JAZF1: variants seen among roughly 807,000 people sequenced by gnomAD.
JAZF1 encodes the protein juxtaposed with another zinc finger protein 1.
A neutral mutation model predicts 26.4 loss-of-function variants in JAZF1; 8 were observed. That is an observed-to-expected ratio of 0.30 (90% CI 0.18 to 0.55). The LOEUF is 0.55. Among genes scored for constraint, JAZF1 ranks in the 20% least tolerant of loss-of-function variants. JAZF1 has a pLI of 0.94. For missense variants in JAZF1, 199 were observed against 322.0 expected, an observed-to-expected ratio of 0.62 and a Z score of 2.92; for synonymous variants, 126 against 122.3, an observed-to-expected ratio of 1.03 and a Z score of -0.20.
intron 2 of JAZF1, among the ~76,000 whole-genome samples, chr7:27,941,007 C>T (rs1348302679): frequency 2.0e-5 from 3 of 152,076 alleles, no homozygotes; most frequent in African/African-American, 4.8e-5. Flanking sequence ...ACTTGAAGTG[C>T]CATAAACTGC....
At chr7:27,923,438 C>T (rs905221677) in intron 2 of JAZF1, among the ~76,000 whole-genome samples, 4 of 152,256 alleles carry the variant, frequency 2.6e-5, no homozygotes, top group Non-Finnish European at 5.9e-5. Context: ...TCTATCCCAA[C>T]TTTGCAGAGT....
At chr7:28,030,660 C>A (rs775805693) in intron 1 of JAZF1, among the ~76,000 whole-genome samples, 2 of 152,184 alleles carry the variant, frequency 1.3e-5, no homozygotes, top group South Asian at 2.1e-4. Flanking sequence ...TTACTATGAA[C>A]AATTATACTA....
intron 3 of JAZF1, among the ~76,000 whole-genome samples, chr7:27,867,598 C>CGTTA (rs1377896902): frequency 6.6e-6 from 1 of 152,200 alleles, no homozygotes; most frequent in Non-Finnish European, 1.5e-5. Flanking sequence ...GGCCTCATAA[C>CGTTA]CATCAGGGCT....
At chr7:28,177,233 G>A (rs988191175) in intron 1 of JAZF1, among the ~76,000 whole-genome samples, 1 of 152,046 alleles carries the variant, frequency 6.6e-6, no homozygotes, top group African/African-American at 2.4e-5. Context: ...CAGGAACACC[G>A]GTACAGCACT....
intron 3 of JAZF1, among the ~76,000 whole-genome samples, chr7:27,849,606 T>C (rs1783100023): frequency 6.6e-6 from 1 of 151,960 alleles, no homozygotes; most frequent in Non-Finnish European, 1.5e-5. Context: ...AGCATTTCAG[T>C]TGGGGAAATG....
In JAZF1 at chr7:28,160,566, T is replaced by C. The variant is rs370259028; in HGVS notation, c.115+19897A>G. Among the ~76,000 whole-genome samples the C allele has an allele frequency of 1.1e-4, 17 of 152,290 alleles. 1 individual carries two copies. In the South Asian group the frequency reaches 3.5e-3, roughly 32 times the overall value. On this transcript the variant is annotated intron_variant, in intron 1 of 4. Coordinates refer to ENST00000283928, the MANE Select transcript of JAZF1 (RefSeq NM_175061.4). ...TGCTGCAAACTCTAAGATTCTCAGA[T>C]GCCCTCGCAGCATTGTCAGCCACAA...
At chr7:28,158,199 A>AGG (rs1783222842) in intron 1 of JAZF1, among the ~76,000 whole-genome samples, 1 of 151,574 alleles carries the variant, frequency 6.6e-6, no homozygotes, top group Non-Finnish European at 1.5e-5. Flanking sequence ...AGAGAGAGAG[A>AGG]GAGAGGGAGA....
intron 2 of JAZF1, among the ~76,000 whole-genome samples, chr7:27,904,222 G>A (rs751437178): frequency 3.0e-4 from 46 of 152,230 alleles, no homozygotes; most frequent in Admixed American, 5.9e-4. Flanking sequence ...ATTTCAGCAT[G>A]CAACCATGTG....
intron 2 of JAZF1, among the ~76,000 whole-genome samples, chr7:27,960,791 A>G (rs1170004948): frequency 6.6e-6 from 1 of 152,194 alleles, no homozygotes; most frequent in Non-Finnish European, 1.5e-5. Context: ...AACCTGGTGG[A>G]GGCTGCTGGG....
chr7:28,067,944 G>C (rs1404538295), intron 1 of JAZF1, among the ~76,000 whole-genome samples: 1 of 152,078 alleles, frequency 6.6e-6, no homozygotes, highest in South Asian at 2.1e-4. Context: ...ACAGAGTTTC[G>C]CTCTTGTTGC....
chr7:27,936,608 C>G (rs1482708019), intron 2 of JAZF1, among the ~76,000 whole-genome samples: 1 of 152,222 alleles, frequency 6.6e-6, no homozygotes, highest in Non-Finnish European at 1.5e-5. Flanking sequence ...AATGCACAAA[C>G]TCAGGGACAA....
At chr7:27,874,308 C>T (rs1379567656) in intron 3 of JAZF1, among the ~76,000 whole-genome samples, 13 of 152,206 alleles carry the variant, frequency 8.5e-5, no homozygotes, top group African/African-American at 3.1e-4. Context: ...GAACATGAGG[C>T]TTTTTCTGAG....
intron 4 of JAZF1, among the ~76,000 whole-genome samples, chr7:27,837,601 TGAGGGGCGGA>T (rs1562757995): frequency 6.6e-6 from 1 of 151,976 alleles, no homozygotes; most frequent in Admixed American, 6.6e-5. Flanking sequence ...ACTTGACCTA[TGAGGGGCGGA>T]GAGGGGAGTA....
chr7:27,868,339 C>T (rs907225887), intron 3 of JAZF1, among the ~76,000 whole-genome samples: 2 of 152,226 alleles, frequency 1.3e-5, no homozygotes, highest in Non-Finnish European at 2.9e-5. Context: ...CCCATGCCTG[C>T]TCCTGCAGAT....
intron 1 of JAZF1, among the ~76,000 whole-genome samples, chr7:28,086,860 ATATCCT>A (rs938469827): frequency 2.0e-5 from 3 of 152,210 alleles, no homozygotes; most frequent in African/African-American, 7.2e-5. Context: ...ATGATGACAA[ATATCCT>A]TAGAAGTAGA....
At chr7:27,969,805 T>C (rs1290322674) in intron 2 of JAZF1, among the ~76,000 whole-genome samples, 3 of 152,086 alleles carry the variant, frequency 2.0e-5, no homozygotes, top group African/African-American at 7.2e-5. Context: ...GACAATGGAG[T>C]TGGAGATTAG....
At chr7:27,977,962 T>C (rs947942414) in intron 2 of JAZF1, among the ~76,000 whole-genome samples, 19 of 152,240 alleles carry the variant, frequency 1.2e-4, no homozygotes, top group Non-Finnish European at 2.2e-4. Context: ...AAAACCATTA[T>C]GTTGTACATT....
chr7:28,013,513 T>C (rs1388544860), intron 1 of JAZF1, among the ~76,000 whole-genome samples: 2 of 152,108 alleles, frequency 1.3e-5, no homozygotes, highest in Admixed American at 6.6e-5. Flanking sequence ...TTAGTAGCTA[T>C]AGGGTGGGCC....
At chr7:27,934,366 AAG>A (rs1170438469) in intron 2 of JAZF1, among the ~76,000 whole-genome samples, 2 of 152,208 alleles carry the variant, frequency 1.3e-5, no homozygotes, top group South Asian at 2.1e-4. Context: ...AAGGAAGAAA[AAG>A]AGAGAAAATG....
Sources: gnomAD v4.1 joint callset for allele counts (sites outside exome capture counted in the v4.1 genomes callset) on GRCh38, gnomAD v4.1.1 for gene constraint, MANE v1.5 for transcripts, NCBI Gene and HGNC (gene_info 2026-07-23, HGNC 2026-07-21) for gene names.